The following SLC47A1 variants were observed in gnomAD, a reference collection of about 807,000 sequenced individuals.
SLC47A1 encodes solute carrier family 47 member 1.
A neutral mutation model predicts 65.8 loss-of-function variants in SLC47A1; 58 were observed. The observed-to-expected ratio is 0.88, with a 90% CI of 0.71 to 1.10. The LOEUF (loss-of-function observed/expected upper bound fraction) is 1.10. Ranked by LOEUF, SLC47A1 falls within the 50% of genes least tolerant of loss-of-function variation. The probability of loss-of-function intolerance (pLI) is 0.00; values close to 1 mark genes in which losing one functional copy is unlikely to be tolerated. For synonymous variants in SLC47A1, 285 were observed against 295.0 expected (o/e 0.97, Z 0.35); for missense variants, 706 against 719.2 (o/e 0.98, Z 0.21).
intron 4 of SLC47A1, among the ~76,000 whole-genome samples, chr17:19,548,492 G>T (rs949709981): frequency 3.0e-4 from 39 of 130,166 alleles, no homozygotes; most frequent in African/African-American, 1.2e-3. Context: ...TACCACCCAA[G>T]ATTTTTCTTT....
intron 1 of SLC47A1, among the ~76,000 whole-genome samples, chr17:19,538,791 T>C (rs946880287): frequency 1.3e-5 from 2 of 152,170 alleles, no homozygotes; most frequent in Non-Finnish European, 2.9e-5. Context: ...GGAGAGGCTG[T>C]CTGGAGGTGC....
At chr17:19,553,688 C>T (rs781679761) in intron 6 of SLC47A1, among the ~76,000 whole-genome samples, 3 of 152,066 alleles carry the variant, frequency 2.0e-5, no homozygotes, top group East Asian at 3.9e-4. Context: ...ACTACAGGCG[C>T]GTGCCACCAC....
Position 19,555,796 on chromosome 17 carries a change from G to T in SLC47A1, c.740G>T (p.Gly247Val), listed in dbSNP as rs1344304008. Residue 247 changes from glycine to valine, a missense_variant and splice_region_variant, in exon 9 of 17, where the codon GGC becomes GTC. Coordinates refer to ENST00000270570, the MANE Select transcript of SLC47A1 (RefSeq NM_018242.3). The part of the protein sequence containing the change: ...GKKLHQATWG[G>V]WSLECLQDWA... ...GGAAATGTGTGTGTCCCCCCCACAG[G>T]CTGGTCCCTCGAGTGCCTGCAGGAC... 6.2e-7 allele frequency: 1 copy of T among 1,613,466 alleles called. No individual in the cohort carries two copies. The highest frequency in any genetic ancestry group is 1.7e-5 in the Admixed American group (1 of 60,030).
At chr17:19,542,591 C>T in intron 2 of SLC47A1, 97 bp downstream of exon 2, 1 of 993,038 alleles carries the variant, frequency 1.0e-6, no homozygotes, top group Non-Finnish European at 1.5e-6. Context: ...CTGAAACCTA[C>T]ACAGACTTAT....
At chr17:19,542,333 C>T in intron 1 of SLC47A1, 60 bp from the exon 2 acceptor site, 1 of 1,348,916 alleles carries the variant, frequency 7.4e-7, no homozygotes, top group South Asian at 1.6e-5. Flanking sequence ...ACACTTGGGG[C>T]CCCAGGCTTC....
chr17:19,559,958 T>C (rs2084294348), intron 10 of SLC47A1, among the ~76,000 whole-genome samples: 3 of 152,170 alleles, frequency 2.0e-5, no homozygotes, highest in Admixed American at 1.3e-4. Context: ...TCGCAGAGGT[T>C]GGAAGCTCTG....
chr17:19,557,581 C>T (rs541290134), intron 10 of SLC47A1: 105 of 516,082 alleles, frequency 2.0e-4, no homozygotes, highest in African/African-American at 1.8e-3. Flanking sequence ...GTTCACGGGG[C>T]GATGCTGCCC....
Position 19,577,896 on chromosome 17 carries a change from G to C in SLC47A1, c.*343G>C. 4 of 1,237,216 alleles carry C rather than the reference G, an allele frequency of 3.2e-6. No homozygotes were observed. The highest frequency in any genetic ancestry group is 4.1e-6 in the Non-Finnish European group (4 of 972,740). The allele number at this position is 1,237,216 out of a possible 1,614,324, so 76.6% of individuals were successfully genotyped here. A position where few individuals can be genotyped will look rare whatever the true frequency, so the allele number is the denominator to read the frequency against. ...AACTAACTGCTTAAGAATTCATACT[G>C]CTTGAATTATGTAAAATATATTTTA... On this transcript the variant is annotated 3_prime_UTR_variant, in exon 17 of 17. Coordinates refer to ENST00000270570, the MANE Select transcript of SLC47A1 (RefSeq NM_018242.3).
In SLC47A1 at chr17:19,577,602, C is replaced by G. The variant is rs1216404849; in HGVS notation, c.*49C>G. ...CAAGTGATGCTTTTGAGCTTACACACAATTCACAGGCCCACCAGTGACAAT... is the reference window on the plus strand; with the variant it reads ...CAAGTGATGCTTTTGAGCTTACACAGAATTCACAGGCCCACCAGTGACAAT... On this transcript the variant is annotated 3_prime_UTR_variant, in exon 17 of 17. Transcript: ENST00000270570. 2 of 1,608,126 alleles carry G rather than the reference C, an allele frequency of 1.2e-6. No individual in the cohort carries two copies. Among genetic ancestry groups the G allele is most frequent in the Non-Finnish European group, 1.7e-6 (2 of 1,176,642 alleles).
At position 19,533,930 on chromosome 17, in the gene SLC47A1, C is replaced by A. The variant is rs1027035928; in HGVS notation, c.-10C>A. 19 of 1,482,868 alleles carry A rather than the reference C, an allele frequency of 1.3e-5. 1 individual carries two copies. The highest frequency in any genetic ancestry group is 1.0e-4 in the African/African-American group (7 of 68,136). 91.9% of individuals were successfully genotyped at this position (1,482,868 alleles called of 1,614,324 possible). ...GCCTCCGCGCTACCCGGCCGCAGCG[C>A]GCGAGTCACATGGAAGCTCCTGAGG... On this transcript the variant is annotated 5_prime_UTR_variant, in exon 1 of 17. Transcript: ENST00000270570.
Position 19,571,398 on chromosome 17 carries a change from A to G in SLC47A1, c.1310-80A>G, listed in dbSNP as rs1597512725. 5 of 1,219,362 alleles carry G rather than the reference A, an allele frequency of 4.1e-6. No homozygotes were observed. In the Middle Eastern group the frequency reaches 1.1e-3, roughly 260 times the overall value. The allele number at this position is 1,219,362 out of a possible 1,614,324, so 75.5% of individuals were successfully genotyped here. The stretch of plus-strand genomic sequence containing the variant: ...GCAGATATTCAGTATGGCTGACAGA[A>G]GTGATATAGGCAAAACATACTCCCC... On this transcript the variant is annotated intron_variant, in intron 14 of 16. Transcript: ENST00000270570.
At chr17:19,557,753 T>G (rs1222598278) in intron 10 of SLC47A1, 3 of 409,970 alleles carry the variant, frequency 7.3e-6, no homozygotes, top group African/African-American at 6.2e-5. Context: ...AATGGGATTC[T>G]TCAGTGCACC....
chr17:19,534,278 C>T, intron 1 of SLC47A1: 1 of 602,272 alleles, frequency 1.7e-6, no homozygotes, highest in Non-Finnish European at 2.6e-6. Context: ...CACCACCCGA[C>T]TGGGGGCCCC....
intron 3 of SLC47A1, among the ~76,000 whole-genome samples, chr17:19,547,614 G>C (rs1053246375): frequency 2.0e-5 from 3 of 150,748 alleles, no homozygotes; most frequent in Non-Finnish European, 4.4e-5. Flanking sequence ...TTTTGAAAAT[G>C]TTCCCCTGGT....
chr17:19,565,861 G>C (rs966781878), intron 12 of SLC47A1, among the ~76,000 whole-genome samples: 5 of 152,076 alleles, frequency 3.3e-5, no homozygotes, highest in Non-Finnish European at 7.4e-5. Flanking sequence ...AATTACAGGC[G>C]TGAGCCACCG....
Position 19,563,755 on chromosome 17 carries a change from G to A in SLC47A1, c.1107-3035G>A, listed in dbSNP as rs548033389. Among the ~76,000 whole-genome samples, 7 of 152,012 alleles carry A rather than the reference G, an allele frequency of 4.6e-5. No individual in the cohort carries two copies. In the East Asian group the frequency reaches 1.4e-3, roughly 30 times the overall value. On this transcript the variant is annotated intron_variant, in intron 12 of 16. Transcript: ENST00000270570. ...TGTAATCCCAGCACTTTGGGAGGCC[G>A]AGGTGGGTAGATCACGAGGTCAGGA...
chr17:19,557,803 T>C (rs1368055957), intron 10 of SLC47A1: 9 of 364,412 alleles, frequency 2.5e-5, no homozygotes, highest in Non-Finnish European at 5.0e-5. Flanking sequence ...GGTTTCTCCA[T>C]TGTTTCTCCT....
intron 2 of SLC47A1, among the ~76,000 whole-genome samples, chr17:19,544,649 G>A (rs973375602): frequency 5.3e-5 from 8 of 152,228 alleles, no homozygotes; most frequent in Non-Finnish European, 1.0e-4. Flanking sequence ...ACTTCAGACC[G>A]CCTCTGCACT....
chr17:19,537,158 A>G (rs985805815), intron 1 of SLC47A1, among the ~76,000 whole-genome samples: 1 of 152,202 alleles, frequency 6.6e-6, no homozygotes, highest in Non-Finnish European at 1.5e-5. Flanking sequence ...CCCGGGATGT[A>G]ACAGAGGTGG....
Sources: gnomAD v4.1 joint callset for allele counts (sites outside exome capture counted in the v4.1 genomes callset) on GRCh38, gnomAD v4.1.1 for gene constraint, MANE v1.5 for transcripts, NCBI Gene and HGNC (gene_info 2026-07-23, HGNC 2026-07-21) for gene names.